PRKCB: variants seen among roughly 807,000 people sequenced by gnomAD.
The protein encoded by PRKCB is protein kinase C beta type.
PRKCB carries 13 observed loss-of-function variants against 81.5 expected under a neutral mutation model. The ratio of observed to expected loss-of-function variants is 0.16; its 90% CI spans 0.10 to 0.25. The LOEUF is 0.25. PRKCB is among the 10% of genes least tolerant of loss of function. The probability of loss-of-function intolerance (pLI) is 1.00; values close to 1 mark genes in which losing one functional copy is unlikely to be tolerated. For synonymous variants in PRKCB, 335 were observed against 321.4 expected (o/e 1.04, Z -0.45); for missense variants, 509 against 875.7 (o/e 0.58, Z 5.29).
intron 7 of PRKCB, among the ~76,000 whole-genome samples, chr16:24,108,323 TTTTTA>T (rs1966606204): frequency 1.3e-5 from 2 of 148,244 alleles, no homozygotes; most frequent in South Asian, 2.1e-4. Context: ...GACTTTTTAT[TTTTTA>T]TTTTATTTTT....
At position 24,123,878 on chromosome 16, in the gene PRKCB, C is replaced by T. The variant is rs139055681; in HGVS notation, c.962C>T (p.Thr321Met). 150 of 1,614,130 alleles carry T rather than the reference C, an allele frequency of 9.3e-5. No homozygotes were observed. The African/African-American group carries it at 1.5e-3, about 16-fold the overall frequency. ...GGAACCAAGGTCCCGGAAGAAAAGA[C>T]GACCAACACTGTCTCCAAATTTGAC... ...SQGTKVPEEK[T>M]TNTVSKFDNN... is the part of the protein sequence containing the mutation. The change falls in exon 9 of 17, where the codon ACG becomes ATG. Residue 321 changes from threonine to methionine, a missense_variant. Physicochemically the swap from Thr to Met is moderately conservative, Grantham distance 81 (BLOSUM62 -1). Coordinates refer to ENST00000643927, the MANE Select transcript of PRKCB (RefSeq NM_002738.7).
intron 3 of PRKCB, among the ~76,000 whole-genome samples, chr16:24,009,426 ATTTT>A (rs550009011): frequency 3.6e-5 from 5 of 139,834 alleles, no homozygotes; most frequent in African/African-American, 1.3e-4. Context: ...TAGGATGACT[ATTTT>A]TTTTTTTTTT....
chr16:24,160,472 G>C (rs569567504), intron 10 of PRKCB, among the ~76,000 whole-genome samples: 1 of 152,124 alleles, frequency 6.6e-6, no homozygotes, highest in African/African-American at 2.4e-5. Flanking sequence ...CAGTGGAGCT[G>C]GAATAGGCCA....
intron 2 of PRKCB, among the ~76,000 whole-genome samples, chr16:23,894,325 C>T (rs561156434): frequency 6.6e-6 from 1 of 152,224 alleles, no homozygotes; most frequent in African/African-American, 2.4e-5. Context: ...AGTCTCAGGA[C>T]CATTGTTGTA....
intron 7 of PRKCB, chr16:24,098,846 A>T (rs968128784): frequency 2.0e-5 from 3 of 152,240 alleles, no homozygotes; most frequent in African/African-American, 7.2e-5. Context: ...CTGTGAGGAA[A>T]GAAATAGCTA....
Position 24,217,483 on chromosome 16 carries a change from G to A in PRKCB, c.*2667G>A. ...GGATGAGTGCTACTGTTTTCACATG[G>A]CTTCAGATGCTATCAACCTCAAAGA... On this transcript the variant is annotated 3_prime_UTR_variant, in exon 17 of 17. Transcript: ENST00000643927. 1.0e-6 allele frequency: 1 copy of A among 985,396 alleles called. No individual in the cohort carries two copies. The highest frequency in any genetic ancestry group is 1.2e-6 in the Non-Finnish European group (1 of 829,934). 61.0% of individuals were successfully genotyped at this position (985,396 alleles called of 1,614,324 possible).
At chr16:24,128,191 A>G (rs1410607862) in intron 9 of PRKCB, among the ~76,000 whole-genome samples, 1 of 152,052 alleles carries the variant, frequency 6.6e-6, no homozygotes, top group African/African-American at 2.4e-5. Flanking sequence ...CCTGGCCAAT[A>G]TGGTGAAACC....
chr16:24,188,670 A>G (rs1171255551), intron 15 of PRKCB, among the ~76,000 whole-genome samples: 1 of 152,172 alleles, frequency 6.6e-6, no homozygotes, highest in Non-Finnish European at 1.5e-5. Context: ...AAGCCCAAAT[A>G]GACAGGACCT....
intron 3 of PRKCB, among the ~76,000 whole-genome samples, chr16:24,026,824 G>T (rs142995706): frequency 6.6e-6 from 1 of 152,302 alleles, no homozygotes; most frequent in East Asian, 1.9e-4. Flanking sequence ...AAGGAGAAGA[G>T]AAAGATGGCA....
At chr16:23,983,227 C>T (rs893651853) in intron 2 of PRKCB, among the ~76,000 whole-genome samples, 4 of 152,022 alleles carry the variant, frequency 2.6e-5, no homozygotes, top group Non-Finnish European at 5.9e-5. Context: ...ATAGGCAGCC[C>T]TACTATTTTC....
intron 2 of PRKCB, among the ~76,000 whole-genome samples, chr16:23,931,867 G>T (rs946788289): frequency 6.6e-6 from 1 of 152,044 alleles, no homozygotes; most frequent in South Asian, 2.1e-4. Context: ...ATCCATATCC[G>T]CACCCAATGC....
At position 24,120,595 on chromosome 16, in the gene PRKCB, T is replaced by G. The variant is rs182738250; in HGVS notation, c.919-3240T>G. On this transcript the variant is annotated intron_variant, in intron 8 of 16. Coordinates refer to ENST00000643927, the MANE Select transcript of PRKCB (RefSeq NM_002738.7). ...GTGGAAACAACCAGCATCCTGCCAG[T>G]TGGTCAGAACAGAGGCTGGGGAGCT... Among the ~76,000 whole-genome samples, 62 of 152,270 alleles carry G rather than the reference T, an allele frequency of 4.1e-4. 1 individual carries two copies. In the East Asian group the frequency reaches 0.012, roughly 29 times the overall value.
At chr16:23,966,691 A>G (rs532272745) in intron 2 of PRKCB, among the ~76,000 whole-genome samples, 1 of 152,300 alleles carries the variant, frequency 6.6e-6, no homozygotes, top group South Asian at 2.1e-4. Flanking sequence ...ACATGAGTGA[A>G]TTGAATCAGG....
chr16:23,984,563 A>G (rs1458855487), intron 2 of PRKCB, among the ~76,000 whole-genome samples: 1 of 152,218 alleles, frequency 6.6e-6, no homozygotes, highest in African/African-American at 2.4e-5. Flanking sequence ...TGCTTCTTTA[A>G]CATGATAGAA....
At chr16:24,139,085 G>A (rs1002016799) in intron 9 of PRKCB, among the ~76,000 whole-genome samples, 2 of 151,890 alleles carry the variant, frequency 1.3e-5, no homozygotes, top group Non-Finnish European at 2.9e-5. Context: ...CCCCTGACCT[G>A]AGGTGATCCA....
rs200669109 is a variant in PRKCB at position 23,926,035 on chromosome 16, G to A, written c.206-62473G>A. On this transcript the variant is annotated intron_variant, in intron 2 of 16. Coordinates refer to ENST00000643927, the MANE Select transcript of PRKCB (RefSeq NM_002738.7). Reference sequence around the variant, plus strand: ...CATGCCTGTCATATTAGCACACTGGGAGGCTGACGAAGGAAGATCACTTGA... The same window carrying A: ...CATGCCTGTCATATTAGCACACTGGAAGGCTGACGAAGGAAGATCACTTGA... 1.9e-4 allele frequency among the ~76,000 whole-genome samples: 29 copies of A among 151,998 alleles called. No homozygotes were observed. The East Asian group carries it at 5.0e-3, about 26-fold the overall frequency.
chr16:23,971,545 G>A (rs1353945041), intron 2 of PRKCB, among the ~76,000 whole-genome samples: 2 of 152,160 alleles, frequency 1.3e-5, no homozygotes, highest in South Asian at 2.1e-4. Flanking sequence ...AAAGGGAGGT[G>A]GCAGCAAGAG....
chr16:23,990,173 T>C (rs1241740099), intron 3 of PRKCB, among the ~76,000 whole-genome samples: 1 of 152,070 alleles, frequency 6.6e-6, no homozygotes, highest in East Asian at 1.9e-4. Context: ...GAAGCTTTTT[T>C]TTTGGCCAGG....
At chr16:23,951,183 G>A (rs196001) in intron 2 of PRKCB, among the ~76,000 whole-genome samples, 79,989 of 152,056 alleles carry the variant, frequency 0.53, 22,069 homozygotes, top group East Asian at 0.64. Flanking sequence ...GAGAGCAATC[G>A]AATGCCCATT....
Sources: allele counts gnomAD v4.1 joint callset (sites outside exome capture counted in the v4.1 genomes callset), GRCh38; gene constraint gnomAD v4.1.1; transcripts MANE v1.5; gene names NCBI Gene and HGNC (gene_info 2026-07-23, HGNC 2026-07-21).